HPSE2: variants seen among roughly 807,000 people sequenced by gnomAD.
HPSE2 encodes the protein inactive heparanase-2.
Under a neutral mutation model 60.5 loss-of-function variants are expected in HPSE2, and 38 were observed. That is an observed-to-expected ratio of 0.63 (90% CI 0.48 to 0.82). HPSE2 has a LOEUF of 0.82. Ranked by LOEUF, HPSE2 falls within the 40% of genes least tolerant of loss-of-function variation. The pLI, the probability that HPSE2 is intolerant of heterozygous loss-of-function variation, is 0.00. For missense variants in HPSE2, 713 were observed against 740.4 expected, an observed-to-expected ratio of 0.96 and a Z score of 0.43; for synonymous variants, 295 against 293.2, an observed-to-expected ratio of 1.01 and a Z score of -0.06.
chr10:98,560,861 A>G (rs941965478), intron 9 of HPSE2, among the ~76,000 whole-genome samples: 5 of 47,222 alleles, frequency 1.1e-4, no homozygotes, highest in Non-Finnish European at 2.5e-4. Context: ...AAACTACTGC[A>G]CAGCCAGTTG....
At chr10:98,619,435 C>A (rs1312372518) in intron 8 of HPSE2, among the ~76,000 whole-genome samples, 2 of 152,152 alleles carry the variant, frequency 1.3e-5, no homozygotes, top group Non-Finnish European at 1.5e-5. Context: ...CTTGTGACTA[C>A]CATTGATAAA....
chr10:98,485,541 A>C, intron 10 of HPSE2, among the ~76,000 whole-genome samples: 1 of 152,220 alleles, frequency 6.6e-6, no homozygotes, highest in Non-Finnish European at 1.5e-5. Flanking sequence ...TGATTTAAGC[A>C]GACTTATGTC....
At chr10:99,296,257 AG>A in the HPSE2 span, among the ~76,000 whole-genome samples, 1 of 152,208 alleles carries the variant, frequency 6.6e-6, no homozygotes, top group East Asian at 1.9e-4. Context: ...GATATGAGAT[AG>A]GAGGTGAGAC....
intron 3 of HPSE2, among the ~76,000 whole-genome samples, chr10:98,765,726 C>T (rs1045083147): frequency 1.2e-4 from 19 of 152,062 alleles, no homozygotes; most frequent in African/African-American, 4.6e-4. Flanking sequence ...GCCTGTAATC[C>T]CAGTTACTCA....
Position 98,864,039 on chromosome 10 carries a change from AC to A in HPSE2, c.611-119984del, listed in dbSNP as rs894734710. Among the ~76,000 whole-genome samples the A allele has an allele frequency of 1.3e-4, 20 of 152,148 alleles. 1 individual carries two copies. The highest frequency in any genetic ancestry group is 4.1e-4 in the South Asian group (2 of 4,836). On this transcript the variant is annotated intron_variant, in intron 3 of 11. Transcript: ENST00000370552. ...GATTTGTGTGTAAATGAATTAAAAA[AC>A]GTCTTCTAATTCTGAGATTCCCAGA...
chr10:98,728,039 T>C (rs1023111703), intron 4 of HPSE2, among the ~76,000 whole-genome samples: 8 of 152,022 alleles, frequency 5.3e-5, no homozygotes, highest in African/African-American at 1.9e-4. Flanking sequence ...ATATGCCTTA[T>C]AAGAAATAAA....
At chr10:98,509,967 A>ACG (rs1218003271) in intron 9 of HPSE2, among the ~76,000 whole-genome samples, 2 of 151,964 alleles carry the variant, frequency 1.3e-5, no homozygotes, top group African/African-American at 4.8e-5. Flanking sequence ...ACACACACAC[A>ACG]CACGCACACA....
chr10:99,035,272 T>G lies in HPSE2; in HGVS notation c.610+108966A>C, dbSNP rs573742140. 8.7e-4 allele frequency among the ~76,000 whole-genome samples: 133 copies of G among 152,324 alleles called. 1 individual carries two copies. Among genetic ancestry groups the G allele is most frequent in the African/African-American group, 3.0e-3 (126 of 41,578 alleles). ...TATTCTATAAACGTTTTTCTATTAA[T>G]TTAACTTTTTAAACTTTTTGTTAAA... On this transcript the variant is annotated intron_variant, in intron 3 of 11. Transcript: ENST00000370552.
chr10:99,254,888 A>G, the HPSE2 span, among the ~76,000 whole-genome samples: 2 of 152,222 alleles, frequency 1.3e-5, no homozygotes, highest in African/African-American at 4.8e-5. Context: ...CAAAAAATAA[A>G]TAAGTGGTTG....
At chr10:98,640,609 CTATT>C (rs1265778323) in intron 7 of HPSE2, among the ~76,000 whole-genome samples, 6 of 152,142 alleles carry the variant, frequency 3.9e-5, no homozygotes, top group Admixed American at 3.3e-4. Context: ...ATTCATTTGT[CTATT>C]TATTAATTCA....
chr10:99,252,313 A>G, the HPSE2 span, among the ~76,000 whole-genome samples: 1 of 152,100 alleles, frequency 6.6e-6, no homozygotes, highest in Non-Finnish European at 1.5e-5. Context: ...AAGAAGTGTT[A>G]CCCAGAGCAA....
chr10:99,103,256 CCTT>C (rs1310792026), intron 3 of HPSE2, among the ~76,000 whole-genome samples: 1 of 152,174 alleles, frequency 6.6e-6, no homozygotes, highest in African/African-American at 2.4e-5. Context: ...CCAAAAATCT[CCTT>C]AAGCTGATAA....
chr10:98,926,759 T>G (rs1351380795), intron 3 of HPSE2, among the ~76,000 whole-genome samples: 3 of 152,316 alleles, frequency 2.0e-5, no homozygotes, highest in Admixed American at 1.3e-4. Flanking sequence ...TTGTGATACA[T>G]CTTGTCCCTT....
the HPSE2 span, among the ~76,000 whole-genome samples, chr10:99,268,288 C>T: frequency 6.6e-6 from 1 of 152,090 alleles, no homozygotes; most frequent in African/African-American, 2.4e-5. Flanking sequence ...ACAAGAACTG[C>T]CAAAAGGAGC....
intron 3 of HPSE2, among the ~76,000 whole-genome samples, chr10:98,839,064 A>G (rs1951854530): frequency 6.6e-6 from 1 of 152,220 alleles, no homozygotes; most frequent in South Asian, 2.1e-4. Flanking sequence ...ACATTTTACT[A>G]CAGTATGTCT....
chr10:99,050,582 G>C (rs7080467), intron 3 of HPSE2, among the ~76,000 whole-genome samples: 1 of 152,002 alleles, frequency 6.6e-6, no homozygotes, highest in African/African-American at 2.4e-5. Context: ...ACTGCAATAA[G>C]TTATGGAATC....
chr10:98,763,703 A>T (rs919395056), intron 3 of HPSE2, among the ~76,000 whole-genome samples: 1 of 151,954 alleles, frequency 6.6e-6, no homozygotes, highest in Non-Finnish European at 1.5e-5. Flanking sequence ...AAATATCTTC[A>T]AAGTGCTGAA....
chr10:98,693,681 G>A (rs1953640), intron 6 of HPSE2, among the ~76,000 whole-genome samples: 1,690 of 152,228 alleles, frequency 0.011, 25 homozygotes, highest in African/African-American at 0.038. Flanking sequence ...TCCAAAATGC[G>A]TTAGTTGTTT....
intron 11 of HPSE2, among the ~76,000 whole-genome samples, chr10:98,476,931 A>C (rs529441112): frequency 6.6e-6 from 1 of 152,172 alleles, no homozygotes; most frequent in African/African-American, 2.4e-5. Flanking sequence ...CCTATGATGA[A>C]ATGAACCCAG....
Sources: gnomAD v4.1 joint callset for allele counts (sites outside exome capture counted in the v4.1 genomes callset) on GRCh38, gnomAD v4.1.1 for gene constraint, MANE v1.5 for transcripts, NCBI Gene and HGNC (gene_info 2026-07-23, HGNC 2026-07-21) for gene names.